Variants in SH3RF2 observed in about 807,000 individuals in gnomAD.
The protein encoded by SH3RF2 is E3 ubiquitin-protein ligase SH3RF2.
Under a neutral mutation model 59.0 loss-of-function variants are expected in SH3RF2, and 43 were observed. The observed-to-expected ratio is 0.73, with a 90% CI of 0.57 to 0.94. SH3RF2 has a LOEUF of 0.94. Among genes scored for constraint, SH3RF2 ranks in the 40% least tolerant of loss-of-function variants. The pLI is 0.00. For missense variants in SH3RF2, 930 were observed against 940.1 expected, an observed-to-expected ratio of 0.99 and a Z score of 0.14; for synonymous variants, 391 against 391.5, an observed-to-expected ratio of 1.00 and a Z score of 0.01.
intron 5 of SH3RF2, among the ~76,000 whole-genome samples, chr5:146,021,146 AAT>A (rs1274951083): frequency 6.6e-6 from 1 of 151,330 alleles, no homozygotes. Flanking sequence ...ACTTAGCACT[AAT>A]ATATATATTT....
intron 2 of SH3RF2, among the ~76,000 whole-genome samples, chr5:145,944,337 C>CTTTTTTTTTTTTTT: frequency 7.1e-6 from 1 of 141,086 alleles, no homozygotes; most frequent in Non-Finnish European, 1.6e-5. Flanking sequence ...TTTCTTTTCC[C>CTTTTTTTTTTTTTT]TTTTTTTTTT....
At chr5:146,035,902 A>C (rs922268540) in intron 5 of SH3RF2, among the ~76,000 whole-genome samples, 2 of 152,180 alleles carry the variant, frequency 1.3e-5, no homozygotes, top group African/African-American at 4.8e-5. Flanking sequence ...CAGTGGCCTC[A>C]TCACGGATCC....
Position 146,060,016 on chromosome 5 carries a change from A to T in SH3RF2, c.1706A>T (p.Glu569Val). 6.2e-7 allele frequency: 1 copy of T among 1,604,660 alleles called. No individual in the cohort carries two copies. The highest frequency in any genetic ancestry group is 8.5e-7 in the Non-Finnish European group (1 of 1,175,010). ...TCCTCCCCCTCAGCCGTGGTGGTGG[A>T]GATGGGGTCCAAGCCTGCCCTCACG... ...IPSSPSAVVV[E>V]MGSKPALTGE... Residue 569 changes from glutamate to valine, a missense_variant, in exon 9 of 10, where the codon GAG becomes GTG. By Grantham distance (121) the Glu-to-Val change is moderately radical. Transcript: ENST00000359120.
intron 5 of SH3RF2, among the ~76,000 whole-genome samples, chr5:146,041,150 T>G (rs1177094149): frequency 6.6e-6 from 1 of 152,142 alleles, no homozygotes; most frequent in Non-Finnish European, 1.5e-5. Context: ...GTGAAATCTT[T>G]TTATCTCAGT....
intron 5 of SH3RF2, among the ~76,000 whole-genome samples, chr5:146,037,751 A>G (rs757261716): frequency 1.3e-4 from 20 of 152,244 alleles, no homozygotes; most frequent in Non-Finnish European, 2.8e-4. Context: ...GTTCTTTCAC[A>G]CTTTCAAGGA....
downstream of SH3RF2, among the ~76,000 whole-genome samples, chr5:146,067,721 G>T (rs899430782): frequency 3.9e-5 from 6 of 152,206 alleles, no homozygotes; most frequent in Non-Finnish European, 7.3e-5. Flanking sequence ...TTGGTAGAAT[G>T]TTGAAAGAGG....
intron 5 of SH3RF2, among the ~76,000 whole-genome samples, chr5:146,021,791 T>C (rs891441417): frequency 2.0e-5 from 3 of 152,120 alleles, no homozygotes; most frequent in African/African-American, 7.2e-5. Flanking sequence ...GGAGAAACCA[T>C]GGCAGTCTTA....
intron 9 of SH3RF2, among the ~76,000 whole-genome samples, chr5:146,074,093 A>T (rs1478025816): frequency 7.3e-6 from 1 of 137,274 alleles, no homozygotes; most frequent in South Asian, 2.2e-4. Flanking sequence ...AGGCTGGAGT[A>T]CAGAGGCGCG....
At position 146,023,423 on chromosome 5, in the gene SH3RF2, G is replaced by A. The variant is rs561657044; in HGVS notation, c.1059+9362G>A. 3.9e-5 allele frequency among the ~76,000 whole-genome samples: 6 copies of A among 152,164 alleles called. No homozygotes were observed. In the South Asian group the frequency reaches 1.0e-3, roughly 26 times the overall value. On this transcript the variant is annotated intron_variant, in intron 5 of 9. Transcript: ENST00000359120. ...AGGGTTTCACCATGTTGGCCAGGCT[G>A]GTCTCAAACTCCTGGACTCAAGTAA...
chr5:146,013,954 C>G lies in SH3RF2; in HGVS notation c.952C>G (p.Arg318Gly), dbSNP rs563187260. 1 of 1,614,086 alleles carries G rather than the reference C, an allele frequency of 6.2e-7. No individual in the cohort carries two copies. Among genetic ancestry groups the G allele is most frequent in the Non-Finnish European group, 8.5e-7 (1 of 1,180,006 alleles). ...CCGGATGGTCCATTCTCCTTCAGGG[C>G]GCCATATGGTAGAGATCAGCACCCC... ...LNRMVHSPSGRHMVEISTPVL... is the reference protein window; with the variant it reads ...LNRMVHSPSGGHMVEISTPVL... The change falls in exon 5 of 10, where the codon CGC becomes GGC. Residue 318 changes from arginine (R) to glycine (G), a missense_variant. By Grantham distance (125) the Arg-to-Gly change is moderately radical. Coordinates refer to ENST00000359120, the MANE Select transcript of SH3RF2 (RefSeq NM_152550.4).
chr5:146,028,466 G>A (rs895111192), intron 5 of SH3RF2, among the ~76,000 whole-genome samples: 4 of 152,306 alleles, frequency 2.6e-5, no homozygotes, highest in Admixed American at 1.3e-4. Context: ...TGAGATACTC[G>A]CATACAGAAG....
chr5:145,970,108 A>C (rs1031251130), intron 2 of SH3RF2, among the ~76,000 whole-genome samples: 1 of 152,094 alleles, frequency 6.6e-6, no homozygotes, highest in Non-Finnish European at 1.5e-5. Flanking sequence ...TAATCTTCAC[A>C]GATTATTGTT....
intron 4 of SH3RF2, among the ~76,000 whole-genome samples, chr5:146,006,939 A>C (rs1168180723): frequency 6.6e-6 from 1 of 152,182 alleles, no homozygotes; most frequent in Non-Finnish European, 1.5e-5. Flanking sequence ...GACGCATGAA[A>C]AAGAGTGAGT....
intron 2 of SH3RF2, among the ~76,000 whole-genome samples, chr5:145,940,382 G>A (rs1757772411): frequency 6.6e-6 from 1 of 152,156 alleles, no homozygotes; most frequent in Non-Finnish European, 1.5e-5. Flanking sequence ...ATGTCAATAT[G>A]GCTGCTGTTC....
chr5:146,061,315 T>C (rs992066394), intron 9 of SH3RF2, among the ~76,000 whole-genome samples: 1 of 152,186 alleles, frequency 6.6e-6, no homozygotes, highest in East Asian at 1.9e-4. Flanking sequence ...GCAAAACTCA[T>C]GCTCTTACTG....
chr5:146,025,511 G>C (rs1452713999), intron 5 of SH3RF2, among the ~76,000 whole-genome samples: 2 of 152,252 alleles, frequency 1.3e-5, no homozygotes, highest in Non-Finnish European at 2.9e-5. Context: ...GAGAAGAAAA[G>C]ATTGATGTGG....
At chr5:146,000,443 T>A in intron 3 of SH3RF2, 116 bp downstream of exon 3, 1 of 802,160 alleles carries the variant, frequency 1.2e-6, no homozygotes. Flanking sequence ...ATATATTATA[T>A]TATTGTTAAT....
intron 2 of SH3RF2, among the ~76,000 whole-genome samples, chr5:145,972,460 A>T (rs887417147): frequency 2.6e-5 from 4 of 152,152 alleles, no homozygotes; most frequent in African/African-American, 9.6e-5. Context: ...CACCACCACC[A>T]CTACCACCAC....
chr5:146,033,451 C>CTTTTTTTTTTTTTTTTTTTTTTTTTTTTT (rs558717056), intron 5 of SH3RF2, among the ~76,000 whole-genome samples: 1 of 71,856 alleles, frequency 1.4e-5, no homozygotes, highest in Non-Finnish European at 2.4e-5. Flanking sequence ...TAGCCCTTAG[C>CTTTTTTTTTTTTTTTTTTTTTTTTTTTTT]TTTTTTTTTT....
Sources: gnomAD v4.1 joint callset for allele counts (sites outside exome capture counted in the v4.1 genomes callset) on GRCh38, gnomAD v4.1.1 for gene constraint, MANE v1.5 for transcripts, NCBI Gene and HGNC (gene_info 2026-07-23, HGNC 2026-07-21) for gene names.